ALDH1A3: variants seen among roughly 807,000 people sequenced by gnomAD.
ALDH1A3 encodes the protein retinaldehyde dehydrogenase 3.
In ALDH1A3, 28 loss-of-function variants were observed where a neutral mutation model predicts 57.5. That is an observed-to-expected ratio of 0.49 (90% CI 0.36 to 0.67). The LOEUF is 0.67. ALDH1A3 is among the 30% of genes least tolerant of loss of function. The pLI is 0.00. For missense variants in ALDH1A3, 507 were observed against 669.4 expected, an observed-to-expected ratio of 0.76 and a Z score of 2.68; for synonymous variants, 281 against 264.8, an observed-to-expected ratio of 1.06 and a Z score of -0.59.
intron 1 of ALDH1A3, among the ~76,000 whole-genome samples, chr15:100,883,032 G>T (rs2041560974): frequency 6.6e-6 from 1 of 152,136 alleles, no homozygotes; most frequent in South Asian, 2.1e-4. Flanking sequence ...TCAATGTCAT[G>T]AACAAACAGT....
intron 9 of ALDH1A3, among the ~76,000 whole-genome samples, chr15:100,905,011 A>G (rs1323744116): frequency 1.3e-5 from 2 of 152,220 alleles, no homozygotes; most frequent in African/African-American, 4.8e-5. Flanking sequence ...CAGGTGATAC[A>G]TGGCACCCAG....
At chr15:100,907,362 A>C in intron 11 of ALDH1A3, 84 bp downstream of exon 11, 1 of 1,466,386 alleles carries the variant, frequency 6.8e-7, no homozygotes, top group Non-Finnish European at 9.3e-7. Flanking sequence ...AGAGTTTCTC[A>C]TTGTTTACAT....
intron 12 of ALDH1A3, 77 bp downstream of exon 12, chr15:100,908,559 TC>T: frequency 7.5e-7 from 1 of 1,332,226 alleles, no homozygotes; most frequent in Non-Finnish European, 1.1e-6. Context: ...TGACACAGGC[TC>T]CAATCTGCTG....
At position 100,907,173 on chromosome 15, in the gene ALDH1A3, T is replaced by C; in HGVS notation, c.1286T>C (p.Ile429Thr). ...ILKFKSIEEV[I>T]KRANSTDYGL... is the part of the protein sequence containing the mutation. Reference sequence around the variant, plus strand: ...AAGTTCAAAAGTATCGAAGAAGTGATAAAAAGAGCGAATAGCACCGACTAT... The same window carrying C: ...AAGTTCAAAAGTATCGAAGAAGTGACAAAAAGAGCGAATAGCACCGACTAT... The change falls in exon 11 of 13, where the codon ATA becomes ACA. Residue 429 changes from isoleucine (I) to threonine (T), a missense_variant. By Grantham distance (89) the Ile-to-Thr change is moderately conservative (BLOSUM62 -1). Transcript: ENST00000329841. 6.2e-7 allele frequency: 1 copy of C among 1,614,110 alleles called. No homozygotes were observed. The highest frequency in any genetic ancestry group is 8.5e-7 in the Non-Finnish European group (1 of 1,179,994).
At chr15:100,905,431 A>T in intron 9 of ALDH1A3, 92 bp from the exon 10 acceptor site, 1 of 1,474,180 alleles carries the variant, frequency 6.8e-7, no homozygotes, top group Admixed American at 1.8e-5. Context: ...CAGAGGGAGG[A>T]TGGCTGATCA....
At chr15:100,891,206 C>T (rs1232003745) in intron 3 of ALDH1A3, among the ~76,000 whole-genome samples, 2 of 152,230 alleles carry the variant, frequency 1.3e-5, no homozygotes, top group South Asian at 2.1e-4. Flanking sequence ...TTCACTCTAA[C>T]GCTGGCCCTG....
At chr15:100,904,864 A>T (rs2041807094) in intron 9 of ALDH1A3, among the ~76,000 whole-genome samples, 1 of 152,168 alleles carries the variant, frequency 6.6e-6, no homozygotes. Flanking sequence ...CCCCACCTGG[A>T]GGCTCATTCT....
chr15:100,886,898 C>T (rs1166593765), intron 2 of ALDH1A3, among the ~76,000 whole-genome samples: 1 of 152,202 alleles, frequency 6.6e-6, no homozygotes, highest in Non-Finnish European at 1.5e-5. Flanking sequence ...TTTCCCCATT[C>T]TCACTCTTGG....
chr15:100,915,209 C>T lies in ALDH1A3; in HGVS notation c.*436C>T. On this transcript the variant is annotated 3_prime_UTR_variant, in exon 13 of 13. Transcript: ENST00000329841. ...CAGCGGTCTCCTCAGGGTGGACCTGCTTACAGAGCAAGCCACGCCTCTTTC... is the reference window on the plus strand; with the variant it reads ...CAGCGGTCTCCTCAGGGTGGACCTGTTTACAGAGCAAGCCACGCCTCTTTC... The T allele has an allele frequency of 6.2e-6, 1 of 160,162 alleles. No homozygotes were observed. Among genetic ancestry groups the T allele is most frequent in the Non-Finnish European group, 1.4e-5 (1 of 72,598 alleles). The allele number at this position is 160,162 out of a possible 1,614,324, so 9.9% of individuals were successfully genotyped here. A position where few individuals can be genotyped will look rare whatever the true frequency, so the allele number is the denominator to read the frequency against.
rs1191459372 is a variant in ALDH1A3, at chr15:100,885,351, G to A, written c.184G>A (p.Glu62Lys). The A allele has an allele frequency of 1.2e-6, 2 of 1,611,496 alleles. No individual in the cohort carries two copies. Among genetic ancestry groups the A allele is most frequent in the Non-Finnish European group, 1.7e-6 (2 of 1,177,698 alleles). The part of the protein sequence containing the change: ...CNPSTREQIC[E>K]VEEGDKPDVD... ...CCCTTCAACTCGGGAGCAAATATGT[G>A]AAGTGGAAGAAGGAGATAAGGTAAA... Residue 62 changes from glutamate (E) to lysine (K), a missense_variant, in exon 2 of 13, where the codon GAA (glutamate) becomes AAA (lysine). Transcript: ENST00000329841.
At chr15:100,898,947 G>C (rs2041739449) in intron 8 of ALDH1A3, among the ~76,000 whole-genome samples, 1 of 152,208 alleles carries the variant, frequency 6.6e-6, no homozygotes, top group Admixed American at 6.5e-5. Context: ...TTAAAGAATA[G>C]CCTCCCAGAC....
chr15:100,905,769 A>G, intron 10 of ALDH1A3, 82 bp downstream of exon 10: 1 of 1,344,154 alleles, frequency 7.4e-7, no homozygotes, highest in Non-Finnish European at 1.0e-6. Context: ...GATCCCAGAA[A>G]TCCTTGTGAT....
In ALDH1A3 at chr15:100,914,748, T is replaced by C. The variant is rs797046134; in HGVS notation, c.1514T>C (p.Ile505Thr). 6.2e-7 allele frequency: 1 copy of C among 1,614,056 alleles called. No individual in the cohort carries two copies. The change falls in exon 13 of 13, where the codon ATC (isoleucine) becomes ACC (threonine). Residue 505 changes from isoleucine (I) to threonine (T), a missense_variant. By Grantham distance (89) the Ile-to-Thr change is moderately conservative. Coordinates refer to ENST00000329841, the MANE Select transcript of ALDH1A3 (RefSeq NM_000693.4). ...AEYTEVKTVT[I>T]KLGDKNP is the part of the protein sequence containing the mutation. ...TACACAGAAGTGAAAACTGTCACCA[T>C]CAAACTTGGCGACAAGAACCCCTGA... is the stretch of plus-strand genomic sequence containing the variant.
At position 100,900,550 on chromosome 15, in the gene ALDH1A3, G is replaced by A. The variant is rs117381623; in HGVS notation, c.884-25G>A. The stretch of plus-strand genomic sequence containing the variant: ...TTAATCGCTTCCTCTCGCTCTGCCC[G>A]CCTCCCTCGCCCCTCCCCCTCCAGT... On this transcript the variant is annotated intron_variant, in intron 8 of 12. Transcript: ENST00000329841. 4,452 of 1,556,182 alleles carry A rather than the reference G, an allele frequency of 2.9e-3. 67 individuals carry two copies. In the East Asian group the frequency reaches 0.042, roughly 15 times the overall value.
At chr15:100,897,285 C>G (rs1465971081) in intron 7 of ALDH1A3, among the ~76,000 whole-genome samples, 8 of 152,092 alleles carry the variant, frequency 5.3e-5, no homozygotes, top group Non-Finnish European at 1.2e-4. Context: ...CTGGGCCGCG[C>G]CTTGCTAGCT....
chr15:100,899,942 C>T (rs902372259), intron 8 of ALDH1A3, among the ~76,000 whole-genome samples: 3 of 152,194 alleles, frequency 2.0e-5, no homozygotes, highest in African/African-American at 4.8e-5. Context: ...AACCAGCCAA[C>T]GGTTGAACAC....
At position 100,894,044 on chromosome 15, in the gene ALDH1A3, C is replaced by T; in HGVS notation, c.628C>T (p.Pro210Ser). ...GGTCCTGAAGCCTGCGGAGCAGACA[C>T]CTCTCACCGCCCTTTATCTCGGCTC... The part of the protein sequence containing the change: ...TMVLKPAEQT[P>S]LTALYLGSLI... The change falls in exon 6 of 13, where the codon CCT becomes TCT. Residue 210 changes from proline (P) to serine (S), a missense_variant. Physicochemically the swap from Pro to Ser is moderately conservative, Grantham distance 74 (BLOSUM62 -1). This residue lies in a region of ALDH1A3 where 432 missense variants were observed against 608.4 expected (regional missense o/e 0.71). Coordinates refer to ENST00000329841, the MANE Select transcript of ALDH1A3 (RefSeq NM_000693.4). The surrounding 1 kb of genome is among the most constrained non-coding windows in gnomAD (Gnocchi z 4.5). The T allele has an allele frequency of 3.1e-6, 5 of 1,614,174 alleles. No individual in the cohort carries two copies. Among genetic ancestry groups the T allele is most frequent in the Non-Finnish European group, 4.2e-6 (5 of 1,180,030 alleles).
At position 100,907,195 on chromosome 15, in the gene ALDH1A3, C is replaced by G; in HGVS notation, c.1308C>G (p.Asp436Glu). ...TGATAAAAAGAGCGAATAGCACCGACTATGGACTCACAGCAGCCGTGTTCA... is the reference window on the plus strand; with the variant it reads ...TGATAAAAAGAGCGAATAGCACCGAGTATGGACTCACAGCAGCCGTGTTCA... Reference protein sequence around the residue: ...EEVIKRANSTDYGLTAAVFTK... With the variant: ...EEVIKRANSTEYGLTAAVFTK... The change falls in exon 11 of 13, where the codon GAC (aspartate) becomes GAG (glutamate). Residue 436 changes from aspartate to glutamate, a missense_variant. Asp to Glu is a conservative substitution (Grantham distance 45). Transcript: ENST00000329841. 6.2e-7 allele frequency: 1 copy of G among 1,614,176 alleles called. No homozygotes were observed. Among genetic ancestry groups the G allele is most frequent in the Non-Finnish European group, 8.5e-7 (1 of 1,180,018 alleles).
intron 1 of ALDH1A3, 97 bp from the exon 2 acceptor site, chr15:100,885,170 G>A: frequency 2.4e-6 from 2 of 840,986 alleles, no homozygotes; most frequent in Non-Finnish European, 4.0e-6. Flanking sequence ...AGAGGAAGGT[G>A]GACAAGATGG....
Sources: allele counts gnomAD v4.1 joint callset (sites outside exome capture counted in the v4.1 genomes callset), GRCh38; gene constraint gnomAD v4.1.1; regional missense constraint gnomAD v4.1.1; non-coding constraint Gnocchi (gnomAD v3.1); transcripts MANE v1.5; gene names NCBI Gene and HGNC (gene_info 2026-07-23, HGNC 2026-07-21).